The following SLAIN1 variants were observed in gnomAD, a reference collection of about 807,000 sequenced individuals.
SLAIN1 encodes the protein SLAIN motif-containing protein 1.
In SLAIN1, 17 loss-of-function variants were observed where a neutral mutation model predicts 55.4. The observed-to-expected ratio is 0.31, with a 90% CI of 0.21 to 0.46. SLAIN1 has a LOEUF of 0.46. Among genes scored for constraint, SLAIN1 ranks in the 20% least tolerant of loss-of-function variants. SLAIN1 has a pLI of 1.00. For missense variants in SLAIN1, 682 were observed against 785.1 expected (o/e 0.87, Z 1.57); for synonymous variants, 348 against 337.4 (o/e 1.03, Z -0.35).
At chr13:77,708,519 C>T (rs2091112784) in intron 1 of SLAIN1, among the ~76,000 whole-genome samples, 1 of 152,136 alleles carries the variant, frequency 6.6e-6, no homozygotes, top group African/African-American at 2.4e-5. Context: ...AGCTCTGGCT[C>T]GCATCTGGCA....
intron 5 of SLAIN1, among the ~76,000 whole-genome samples, chr13:77,759,803 A>G (rs61963728): frequency 0.11 from 16,488 of 151,984 alleles, 921 homozygotes; most frequent in East Asian, 0.12. Flanking sequence ...CTTGATCATG[A>G]TGTGTTATCT....
At chr13:77,718,045 T>A (rs2091225000) in intron 1 of SLAIN1, among the ~76,000 whole-genome samples, 1 of 151,940 alleles carries the variant, frequency 6.6e-6, no homozygotes, top group Admixed American at 6.6e-5. Context: ...AAGAATATGA[T>A]TTTTAACTAT....
chr13:77,742,996 A>G lies in SLAIN1; in HGVS notation c.767-1287A>G, dbSNP rs959479395. 5.6e-6 allele frequency: 7 copies of G among 1,260,402 alleles called. No individual in the cohort carries two copies. In the African/African-American group the frequency reaches 1.1e-4, roughly 21 times the overall value. The allele number at this position is 1,260,402 out of a possible 1,614,324, so 78.1% of individuals were successfully genotyped here. Reference sequence around the variant, plus strand: ...TGCTTCCATATAGCTAACTGCTGCTATTTTCTGCTTCTGTGACAGCTAGCC... The same window carrying G: ...TGCTTCCATATAGCTAACTGCTGCTGTTTTCTGCTTCTGTGACAGCTAGCC... On this transcript the variant is annotated intron_variant, in intron 2 of 6. Transcript: ENST00000418532.
At chr13:77,738,051 G>C (rs1328987008) in intron 2 of SLAIN1, among the ~76,000 whole-genome samples, 3 of 152,034 alleles carry the variant, frequency 2.0e-5, no homozygotes, top group Non-Finnish European at 2.9e-5. Flanking sequence ...CATGCTGTGT[G>C]TATCTGTGGA....
At chr13:77,699,027 C>T (rs1036124630) in intron 1 of SLAIN1, 7 of 1,535,270 alleles carry the variant, frequency 4.6e-6, no homozygotes, top group East Asian at 4.9e-5. Flanking sequence ...CATCGGAAGC[C>T]GCGCAGTGAT....
intron 1 of SLAIN1, among the ~76,000 whole-genome samples, chr13:77,719,069 T>C (rs545965071): frequency 7.2e-5 from 11 of 152,316 alleles, no homozygotes; most frequent in Admixed American, 2.0e-4. Flanking sequence ...GACTGGCTTT[T>C]ACGGGTGTTT....
chr13:77,763,132 T>G lies in SLAIN1; in HGVS notation c.1698-13T>G. The stretch of plus-strand genomic sequence containing the variant: ...TAACAATCTCTCTCTCTGTTTTTCT[T>G]GTCTCTTTTTAGTTTTCTTCAGCCT... On this transcript the variant is annotated splice_polypyrimidine_tract_variant and intron_variant, in intron 6 of 6. Transcript: ENST00000418532. 6.2e-7 allele frequency: 1 copy of G among 1,610,390 alleles called. No individual in the cohort carries two copies. Among genetic ancestry groups the G allele is most frequent in the Non-Finnish European group, 8.5e-7 (1 of 1,176,694 alleles).
chr13:77,721,483 C>T (rs1358982511), intron 2 of SLAIN1, among the ~76,000 whole-genome samples: 1 of 152,068 alleles, frequency 6.6e-6, no homozygotes, highest in African/African-American at 2.4e-5. Context: ...TTACTTAATC[C>T]TTGACTCAGT....
chr13:77,707,107 GTTTCTTTCTTTTC>G (rs1033913861), intron 1 of SLAIN1, among the ~76,000 whole-genome samples: 1 of 151,250 alleles, frequency 6.6e-6, no homozygotes, highest in African/African-American at 2.4e-5. Flanking sequence ...TAACTTTCCA[GTTTCTTTCTTTTC>G]TTTCTTTCTT....
At chr13:77,759,638 T>C (rs1431690932) in intron 5 of SLAIN1, among the ~76,000 whole-genome samples, 1 of 152,124 alleles carries the variant, frequency 6.6e-6, no homozygotes, top group Non-Finnish European at 1.5e-5. Flanking sequence ...TTGTTGAGGG[T>C]TTTTATCATA....
At chr13:77,757,585 C>G in intron 5 of SLAIN1, among the ~76,000 whole-genome samples, 1 of 151,990 alleles carries the variant, frequency 6.6e-6, no homozygotes, top group East Asian at 1.9e-4. Context: ...CCTCACCACC[C>G]TCCCAGACTT....
At chr13:77,758,357 A>AT (rs1255061952) in intron 5 of SLAIN1, among the ~76,000 whole-genome samples, 1 of 151,058 alleles carries the variant, frequency 6.6e-6, no homozygotes, top group African/African-American at 2.4e-5. Flanking sequence ...GTTTGCAGAT[A>AT]TTTTTTTCTA....
rs575103502 is a variant in SLAIN1 at position 77,740,800 on chromosome 13, G to A, written c.767-3483G>A. Among the ~76,000 whole-genome samples the A allele has an allele frequency of 2.0e-5, 3 of 152,078 alleles. No homozygotes were observed. In the East Asian group the frequency reaches 5.8e-4, roughly 29 times the overall value. On this transcript the variant is annotated intron_variant, in intron 2 of 6. Coordinates refer to ENST00000418532, the MANE Select transcript of SLAIN1 (RefSeq NM_001242868.2). ...TTTATTCTTTATAAAAGTGCTTCCT[G>A]TTACAATTCTTTAGCTATGTACTGA...
intron 2 of SLAIN1, chr13:77,742,742 C>G (rs1873530002): frequency 6.6e-6 from 1 of 152,236 alleles, no homozygotes; most frequent in South Asian, 2.1e-4. Context: ...CGTAGAAACT[C>G]AAAATAAATT....
chr13:77,747,584 G>T (rs956522624), intron 4 of SLAIN1, among the ~76,000 whole-genome samples: 1 of 152,174 alleles, frequency 6.6e-6, no homozygotes, highest in Non-Finnish European at 1.5e-5. Flanking sequence ...TCCTAGCACA[G>T]AGTGAGGTTG....
At chr13:77,699,214 G>A (rs1184861574) in intron 1 of SLAIN1, 32 of 563,906 alleles carry the variant, frequency 5.7e-5, no homozygotes, top group Non-Finnish European at 7.9e-5. Flanking sequence ...TCTTGGAGTG[G>A]AATGAACAGG....
intron 1 of SLAIN1, among the ~76,000 whole-genome samples, chr13:77,707,631 C>G (rs1426667372): frequency 2.0e-5 from 3 of 152,082 alleles, no homozygotes; most frequent in Non-Finnish European, 4.4e-5. Flanking sequence ...GGTAGCCAGG[C>G]CACATTCAAG....
intron 2 of SLAIN1, among the ~76,000 whole-genome samples, chr13:77,732,598 A>G (rs867111393): frequency 6.6e-6 from 1 of 152,162 alleles, no homozygotes; most frequent in Non-Finnish European, 1.5e-5. Context: ...TAGCAGACAC[A>G]CAGACCTAAA....
At chr13:77,742,959 C>A in intron 2 of SLAIN1, 6 of 986,406 alleles carry the variant, frequency 6.1e-6, no homozygotes, top group Non-Finnish European at 6.4e-6. Flanking sequence ...CTCCTTCTGA[C>A]AAGTCAACAT....
Sources: allele counts gnomAD v4.1 joint callset (sites outside exome capture counted in the v4.1 genomes callset), GRCh38; gene constraint gnomAD v4.1.1; transcripts MANE v1.5; gene names NCBI Gene and HGNC (gene_info 2026-07-23, HGNC 2026-07-21).